The following VPS13B variants were observed in gnomAD, a reference collection of about 807,000 sequenced individuals.
VPS13B encodes the protein intermembrane lipid transfer protein VPS13B.
VPS13B carries 285 observed loss-of-function variants against 426.4 expected under a neutral mutation model. The ratio of observed to expected loss-of-function variants is 0.67; its 90% CI spans 0.61 to 0.74. VPS13B has a LOEUF of 0.74. VPS13B is among the 30% of genes least tolerant of loss of function. The pLI, the probability that VPS13B is intolerant of heterozygous loss-of-function variation, is 0.00. For missense variants in VPS13B, 4,537 were observed against 4,782.6 expected, an observed-to-expected ratio of 0.95 and a Z score of 1.51; for synonymous variants, 1,676 against 1,676.4, an observed-to-expected ratio of 1.00 and a Z score of 0.01.
At chr8:99,302,239 T>C (rs901105421) in intron 19 of VPS13B, among the ~76,000 whole-genome samples, 12 of 152,238 alleles carry the variant, frequency 7.9e-5, no homozygotes, top group African/African-American at 2.7e-4. Flanking sequence ...ATGAACACTT[T>C]AGTATTTTGA....
chr8:99,432,265 G>A (rs1256660346), intron 22 of VPS13B, among the ~76,000 whole-genome samples: 1 of 152,010 alleles, frequency 6.6e-6, no homozygotes, highest in Non-Finnish European at 1.5e-5. Context: ...TTTTTTCTCT[G>A]TGATACCAGA....
intron 19 of VPS13B, among the ~76,000 whole-genome samples, chr8:99,351,134 C>G (rs1183049582): frequency 6.6e-6 from 1 of 152,094 alleles, no homozygotes; most frequent in African/African-American, 2.4e-5. Flanking sequence ...ATTGAAAATG[C>G]TATTCTGAAA....
chr8:99,576,166 A>G (rs1291968558), intron 32 of VPS13B, among the ~76,000 whole-genome samples: 3 of 152,104 alleles, frequency 2.0e-5, no homozygotes, highest in African/African-American at 7.2e-5. Flanking sequence ...AAATAATTAT[A>G]AGAGGAATCT....
At chr8:99,301,105 C>T (rs1314128800) in intron 19 of VPS13B, among the ~76,000 whole-genome samples, 1 of 151,702 alleles carries the variant, frequency 6.6e-6, no homozygotes, top group Non-Finnish European at 1.5e-5. Context: ...GTCCCAGCTA[C>T]TTGGAAGGCT....
At chr8:99,236,502 G>T (rs1021249683) in intron 17 of VPS13B, among the ~76,000 whole-genome samples, 2 of 152,104 alleles carry the variant, frequency 1.3e-5, no homozygotes, top group African/African-American at 4.8e-5. Flanking sequence ...CACCTCCTTT[G>T]GCCCCCCAAA....
intron 39 of VPS13B, among the ~76,000 whole-genome samples, chr8:99,745,904 CTCTA>C (rs1241125984): frequency 1.3e-5 from 2 of 151,952 alleles, no homozygotes; most frequent in Non-Finnish European, 2.9e-5. Flanking sequence ...TCATATTATA[CTCTA>C]TCTATATTTT....
At chr8:99,813,577 A>G (rs1398067361) in intron 44 of VPS13B, among the ~76,000 whole-genome samples, 1 of 152,262 alleles carries the variant, frequency 6.6e-6, no homozygotes, top group Non-Finnish European at 1.5e-5. Context: ...TTCCTAATTT[A>G]GGATCATAGT....
chr8:99,372,114 G>A (rs1398333079), intron 19 of VPS13B, among the ~76,000 whole-genome samples: 2 of 151,670 alleles, frequency 1.3e-5, no homozygotes, highest in Admixed American at 1.3e-4. Flanking sequence ...AGCCGGGCGA[G>A]GTGGCGGGCG....
intron 17 of VPS13B, among the ~76,000 whole-genome samples, chr8:99,209,259 G>C (rs1588142596): frequency 6.7e-6 from 1 of 149,646 alleles, no homozygotes; most frequent in Non-Finnish European, 1.5e-5. Flanking sequence ...ATCCAGCCTG[G>C]TGACAGACTG....
intron 21 of VPS13B, among the ~76,000 whole-genome samples, chr8:99,394,817 G>A (rs185426799): frequency 6.6e-5 from 10 of 152,136 alleles, no homozygotes; most frequent in African/African-American, 2.2e-4. Context: ...AATAATAGAA[G>A]CCTTTTAAAT....
intron 20 of VPS13B, among the ~76,000 whole-genome samples, chr8:99,384,613 A>G (rs985203794): frequency 1.3e-5 from 2 of 152,188 alleles, no homozygotes; most frequent in African/African-American, 4.8e-5. Flanking sequence ...CTACATGTCC[A>G]TTCTCATGGT....
chr8:99,050,005 T>G (rs1047443190), intron 3 of VPS13B, among the ~76,000 whole-genome samples: 5 of 151,858 alleles, frequency 3.3e-5, no homozygotes, highest in African/African-American at 1.2e-4. Context: ...TTTTATTTTT[T>G]TTTAACTTTT....
At chr8:99,340,026 T>C (rs958456555) in intron 19 of VPS13B, among the ~76,000 whole-genome samples, 1 of 152,226 alleles carries the variant, frequency 6.6e-6, no homozygotes, top group African/African-American at 2.4e-5. Context: ...AACATTTCAC[T>C]GTGAACGCAG....
At chr8:99,257,293 T>C (rs1232029636) in intron 17 of VPS13B, among the ~76,000 whole-genome samples, 1 of 152,160 alleles carries the variant, frequency 6.6e-6, no homozygotes. Context: ...GGGCTCTGAT[T>C]GAAGTAGTAA....
intron 2 of VPS13B, among the ~76,000 whole-genome samples, chr8:99,029,070 C>T (rs566392204): frequency 3.3e-5 from 5 of 149,788 alleles, no homozygotes; most frequent in Admixed American, 6.6e-5. Context: ...ACGGGGCGGC[C>T]GGGCAGAGAC....
intron 43 of VPS13B, among the ~76,000 whole-genome samples, chr8:99,795,862 T>TACCCATGAAGC: frequency 6.6e-6 from 1 of 152,290 alleles, no homozygotes; most frequent in African/African-American, 2.4e-5. Flanking sequence ...GAAGCCACAA[T>TACCCATGAAGC]ATCTTTTATG....
At chr8:99,653,728 A>G (rs997501855) in intron 34 of VPS13B, among the ~76,000 whole-genome samples, 1 of 152,176 alleles carries the variant, frequency 6.6e-6, no homozygotes, top group Non-Finnish European at 1.5e-5. Context: ...ACTTGGTTCT[A>G]AAAGTAAGAG....
chr8:99,663,438 G>A (rs1830321794), intron 35 of VPS13B, among the ~76,000 whole-genome samples: 1 of 152,180 alleles, frequency 6.6e-6, no homozygotes, highest in Admixed American at 6.5e-5. Flanking sequence ...TAAAGTGTAG[G>A]AAGAAGCCTT....
At chr8:99,300,238 A>C (rs1205696050) in intron 19 of VPS13B, among the ~76,000 whole-genome samples, 1 of 152,200 alleles carries the variant, frequency 6.6e-6, no homozygotes, top group African/African-American at 2.4e-5. Flanking sequence ...TATTGTCTGC[A>C]ATCCCCAAAT....
Sources: gnomAD v4.1 joint callset for allele counts (sites outside exome capture counted in the v4.1 genomes callset) on GRCh38, gnomAD v4.1.1 for gene constraint, MANE v1.5 for transcripts, NCBI Gene and HGNC (gene_info 2026-07-23, HGNC 2026-07-21) for gene names.